CAPN5: variants seen among roughly 807,000 people sequenced by gnomAD.
The protein encoded by CAPN5 is calpain 5.
In CAPN5, 54 loss-of-function variants were observed where a neutral mutation model predicts 73.0. The ratio of observed to expected loss-of-function variants is 0.74; its 90% CI spans 0.59 to 0.93. CAPN5 has a LOEUF of 0.93. Ranked by LOEUF, CAPN5 falls within the 40% of genes least tolerant of loss-of-function variation. The pLI, the probability that CAPN5 is intolerant of heterozygous loss-of-function variation, is 0.00. For synonymous variants in CAPN5, 335 were observed against 356.9 expected (o/e 0.94, Z 0.69); for missense variants, 785 against 882.9 (o/e 0.89, Z 1.41).
chr11:77,111,466 A>T (rs1448249202), intron 3 of CAPN5, among the ~76,000 whole-genome samples: 1 of 152,172 alleles, frequency 6.6e-6, no homozygotes, highest in Admixed American at 6.5e-5. Flanking sequence ...AGGGCTGGAT[A>T]ATAGTCATCT....
chr11:77,121,956 C>T lies in CAPN5; in HGVS notation c.1510C>T (p.Pro504Ser). The stretch of plus-strand genomic sequence containing the variant: ...CAGGGAGCTGCGCCTGGATGAGCCC[C>T]CACACACCTGCTGGAGCTCCCTCTG... ...NCRELRLDEP[P>S]HTCWSSLCGY... is the part of the protein sequence containing the mutation. Residue 504 changes from proline to serine, a missense_variant, in exon 11 of 13, where the codon CCA (proline) becomes TCA (serine). By Grantham distance (74) the Pro-to-Ser change is moderately conservative. Coordinates refer to ENST00000648180, the MANE Select transcript of CAPN5 (RefSeq NM_004055.5). 1 of 1,556,194 alleles carries T rather than the reference C, an allele frequency of 6.4e-7. No individual in the cohort carries two copies. Among genetic ancestry groups the T allele is most frequent in the Non-Finnish European group, 8.7e-7 (1 of 1,149,568 alleles).
intron 6 of CAPN5, 110 bp from the exon 7 acceptor site, chr11:77,116,116 G>C: frequency 1.0e-6 from 1 of 970,962 alleles, no homozygotes; most frequent in Non-Finnish European, 1.6e-6. Context: ...CGTGCCGCTG[G>C]AGGCCTGGTG....
intron 3 of CAPN5, among the ~76,000 whole-genome samples, chr11:77,099,602 G>A (rs1404345403): frequency 1.3e-5 from 2 of 151,306 alleles, no homozygotes; most frequent in Non-Finnish European, 3.0e-5. Flanking sequence ...GCCTGCAATC[G>A]CAGGCACTTG....
chr11:77,081,763 G>A (rs1555034639), intron 1 of CAPN5, among the ~76,000 whole-genome samples: 1 of 152,130 alleles, frequency 6.6e-6, no homozygotes, highest in Non-Finnish European at 1.5e-5. Flanking sequence ...GGGGATGTGG[G>A]CACCGGCTGG....
At chr11:77,103,155 T>A in intron 3 of CAPN5, 3 of 1,613,790 alleles carry the variant, frequency 1.9e-6, no homozygotes, top group African/African-American at 1.3e-5. Context: ...CACTGCCATC[T>A]TCTGGCGCAA....
chr11:77,118,632 G>T (rs1350102025), intron 8 of CAPN5, among the ~76,000 whole-genome samples: 1 of 152,220 alleles, frequency 6.6e-6, no homozygotes, highest in African/African-American at 2.4e-5. Flanking sequence ...ACACTTAGAG[G>T]CTGAGCCAGG....
At chr11:77,100,662 A>C (rs1038176771) in intron 3 of CAPN5, among the ~76,000 whole-genome samples, 1 of 150,782 alleles carries the variant, frequency 6.6e-6, no homozygotes, top group African/African-American at 2.4e-5. Flanking sequence ...CCTTCACTGG[A>C]CTCCCACCCT....
At chr11:77,086,255 G>A (rs1278279401) in intron 2 of CAPN5, among the ~76,000 whole-genome samples, 1 of 152,182 alleles carries the variant, frequency 6.6e-6, no homozygotes. Flanking sequence ...AAAATGAAAT[G>A]TAGTTTTCTA....
intron 1 of CAPN5, among the ~76,000 whole-genome samples, chr11:77,083,831 C>CT (rs782322180): frequency 6.6e-5 from 10 of 152,214 alleles, no homozygotes; most frequent in Non-Finnish European, 1.5e-4. Flanking sequence ...GGTGGTACCA[C>CT]TGGGGCTGGC....
At chr11:77,085,931 T>C (rs781806440) in intron 2 of CAPN5, among the ~76,000 whole-genome samples, 8 of 152,132 alleles carry the variant, frequency 5.3e-5, no homozygotes, top group Non-Finnish European at 1.0e-4. Flanking sequence ...TCAAGGATGC[T>C]CCAGGCTGGG....
At chr11:77,120,183 G>A (rs1313400113) in intron 9 of CAPN5, 2 of 152,458 alleles carry the variant, frequency 1.3e-5, no homozygotes, top group African/African-American at 4.8e-5. Context: ...TAGTAGTTGG[G>A]ACTATAGGTG....
At chr11:77,098,819 G>A (rs1950247447) in intron 3 of CAPN5, among the ~76,000 whole-genome samples, 1 of 134,938 alleles carries the variant, frequency 7.4e-6, no homozygotes, top group African/African-American at 3.0e-5. Context: ...GGCTGGCCGG[G>A]CGGGGGGCTG....
At chr11:77,098,832 C>CG (rs1950247858) in intron 3 of CAPN5, among the ~76,000 whole-genome samples, 1 of 135,840 alleles carries the variant, frequency 7.4e-6, no homozygotes, top group African/African-American at 2.9e-5. Context: ...GGGGGCTGAC[C>CG]CCCCCCACCT....
intron 3 of CAPN5, among the ~76,000 whole-genome samples, chr11:77,109,143 G>C (rs902323561): frequency 2.6e-5 from 4 of 152,154 alleles, no homozygotes; most frequent in Non-Finnish European, 5.9e-5. Context: ...TTCATTCGGG[G>C]GCACATCATG....
rs1270133592 is a variant in CAPN5 at position 77,084,909 on chromosome 11, A to G, written c.23A>G (p.Tyr8Cys). The G allele has an allele frequency of 6.2e-6, 10 of 1,613,896 alleles. No homozygotes were observed. Among genetic ancestry groups the G allele is most frequent in the African/African-American group, 4.0e-5 (3 of 74,902 alleles). Residue 8 changes from tyrosine (Y) to cysteine (C), a missense_variant, in exon 2 of 13, where the codon TAT becomes TGT. Physicochemically the swap from Tyr to Cys is radical, Grantham distance 194. Coordinates refer to ENST00000648180, the MANE Select transcript of CAPN5 (RefSeq NM_004055.5). ...ACCATGTTCTCGTGTGTGAAGCCCTATGAGGACCAGAACTACTCAGCCCTG... is the reference window on the plus strand; with the variant it reads ...ACCATGTTCTCGTGTGTGAAGCCCTGTGAGGACCAGAACTACTCAGCCCTG... MFSCVKP[Y>C]EDQNYSALRR...
In CAPN5 at chr11:77,084,824, G is replaced by A. The variant is rs782343278; in HGVS notation, c.-35-28G>A. 3 of 1,602,478 alleles carry A rather than the reference G, an allele frequency of 1.9e-6. No homozygotes were observed. In the East Asian group the frequency reaches 6.7e-5, roughly 36 times the overall value. On this transcript the variant is annotated intron_variant, in intron 1 of 12. Coordinates refer to ENST00000648180, the MANE Select transcript of CAPN5 (RefSeq NM_004055.5). Reference sequence around the variant, plus strand: ...CATCAGGGACCCAGGGACTCTGTGAGTGACCGTCTTCTTGCCTTCCTGTCC... The same window carrying A: ...CATCAGGGACCCAGGGACTCTGTGAATGACCGTCTTCTTGCCTTCCTGTCC...
chr11:77,074,726 T>C (rs533381940), intron 1 of CAPN5, among the ~76,000 whole-genome samples: 2 of 152,200 alleles, frequency 1.3e-5, no homozygotes, highest in African/African-American at 2.4e-5. Context: ...AGGGAATGGG[T>C]GAGGGTGTCA....
intron 10 of CAPN5, 91 bp downstream of exon 10, chr11:77,121,000 T>A: frequency 8.3e-7 from 1 of 1,209,624 alleles, no homozygotes; most frequent in Non-Finnish European, 1.2e-6. Context: ...ATGCTCAGTG[T>A]CTCTGGGCCT....
Position 77,085,017 on chromosome 11 carries a change from C to G in CAPN5, c.131C>G (p.Thr44Arg), listed in dbSNP as rs200629808. The G allele has an allele frequency of 1.2e-6, 2 of 1,613,494 alleles. No individual in the cohort carries two copies. Among genetic ancestry groups the G allele is most frequent in the Admixed American group, 3.3e-5 (2 of 60,026 alleles). Reference sequence around the variant, plus strand: ...GACGACTCACTCTACTATAAGGGCACGCCGGGGCCCGCCGTCAGGTGGAAG... The same window carrying G: ...GACGACTCACTCTACTATAAGGGCAGGCCGGGGCCCGCCGTCAGGTGGAAG... ...ATDDSLYYKG[T>R]PGPAVRWKRP... Residue 44 changes from threonine to arginine, a missense_variant, in exon 2 of 13, where the codon ACG becomes AGG. By Grantham distance (71) the Thr-to-Arg change is moderately conservative. Transcript: ENST00000648180.
Sources: gnomAD v4.1 joint callset for allele counts (sites outside exome capture counted in the v4.1 genomes callset) on GRCh38, gnomAD v4.1.1 for gene constraint, MANE v1.5 for transcripts, NCBI Gene and HGNC (gene_info 2026-07-23, HGNC 2026-07-21) for gene names.